MTNR1A: variants seen among roughly 807,000 people sequenced by gnomAD.
The protein encoded by MTNR1A is melatonin receptor type 1A.
MTNR1A carries 7 observed loss-of-function variants against 5.5 expected under a neutral mutation model. That is an observed-to-expected ratio of 1.28 (90% CI 0.73 to 2.40). The LOEUF (loss-of-function observed/expected upper bound fraction) is 2.40, where lower values mean the gene tolerates loss of function less well. Among genes scored for constraint, MTNR1A ranks in the 30% most tolerant of loss-of-function variants. The pLI is 0.00. For synonymous variants in MTNR1A, 196 were observed against 202.7 expected, an observed-to-expected ratio of 0.97 and a Z score of 0.28; for missense variants, 441 against 464.4, an observed-to-expected ratio of 0.95 and a Z score of 0.46.
intron 1 of MTNR1A, among the ~76,000 whole-genome samples, chr4:186,537,640 T>C (rs936940857): frequency 1.3e-5 from 2 of 152,186 alleles, no homozygotes; most frequent in African/African-American, 2.4e-5. Context: ...AAAACAAAAA[T>C]ATAGAGTTAA....
At chr4:186,542,004 C>A (rs1188170065) in intron 1 of MTNR1A, among the ~76,000 whole-genome samples, 1 of 152,206 alleles carries the variant, frequency 6.6e-6, no homozygotes, top group Non-Finnish European at 1.5e-5. Flanking sequence ...ATCAGTTAAT[C>A]TGTCTTTGGC....
intron 1 of MTNR1A, among the ~76,000 whole-genome samples, chr4:186,542,800 C>A (rs1344339030): frequency 6.6e-6 from 1 of 152,140 alleles, no homozygotes; most frequent in African/African-American, 2.4e-5. Context: ...CCAGGAGATA[C>A]CCCTTTGGTT....
intron 1 of MTNR1A, among the ~76,000 whole-genome samples, chr4:186,540,490 T>C (rs6847693): frequency 0.19 from 29,032 of 152,292 alleles, 3,428 homozygotes; most frequent in East Asian, 0.57. Flanking sequence ...AGACCCTTAG[T>C]ACTTTGCAGC....
chr4:186,555,452 C>T lies in MTNR1A; in HGVS notation c.-87G>A, dbSNP rs536341845. On this transcript the variant is annotated 5_prime_UTR_variant, in exon 1 of 2. Coordinates refer to ENST00000307161, the MANE Select transcript of MTNR1A (RefSeq NM_005958.4). This position sits in a 1 kb window ranked among gnomAD's most constrained non-coding sequence, Gnocchi z 4.1. ...TGTTAAGGCTCCGCCCGGCGCTCCCCGCGCCCACGCCCCATCCCGCGCGCT... is the reference window on the plus strand; with the variant it reads ...TGTTAAGGCTCCGCCCGGCGCTCCCTGCGCCCACGCCCCATCCCGCGCGCT... 21 of 1,136,254 alleles carry T rather than the reference C, an allele frequency of 1.8e-5. No homozygotes were observed. The African/African-American group carries it at 2.1e-4, about 12-fold the overall frequency. The allele number at this position is 1,136,254 out of a possible 1,614,324, so 70.4% of individuals were successfully genotyped here.
At chr4:186,547,567 T>C (rs1737181020) in intron 1 of MTNR1A, among the ~76,000 whole-genome samples, 1 of 152,238 alleles carries the variant, frequency 6.6e-6, no homozygotes, top group South Asian at 2.1e-4. Flanking sequence ...ACCTCAGGGC[T>C]CCGTTGCCTC....
intron 1 of MTNR1A, among the ~76,000 whole-genome samples, chr4:186,552,757 A>T (rs774799543): frequency 6.6e-6 from 1 of 152,258 alleles, no homozygotes; most frequent in East Asian, 1.9e-4. Flanking sequence ...AATCAGAAGG[A>T]GCACAGCAAG....
At chr4:186,553,735 C>A (rs1737310134) in intron 1 of MTNR1A, among the ~76,000 whole-genome samples, 2 of 152,222 alleles carry the variant, frequency 1.3e-5, no homozygotes, top group African/African-American at 4.8e-5. Flanking sequence ...TGGTCTCGAA[C>A]TCCTGACCTC....
chr4:186,550,495 G>C (rs374533214), intron 1 of MTNR1A, among the ~76,000 whole-genome samples: 1 of 152,226 alleles, frequency 6.6e-6, no homozygotes, highest in African/African-American at 2.4e-5. Flanking sequence ...TGCTAAGGAA[G>C]AATGGGCAGA....
chr4:186,539,149 G>A (rs142794665), intron 1 of MTNR1A, among the ~76,000 whole-genome samples: 2,253 of 147,592 alleles, frequency 0.015, 32 homozygotes, highest in Non-Finnish European at 0.021. Context: ...CCCAGAAGGC[G>A]AAGGTTGCAG....
At chr4:186,538,193 G>C (rs1736918558) in intron 1 of MTNR1A, among the ~76,000 whole-genome samples, 1 of 152,112 alleles carries the variant, frequency 6.6e-6, no homozygotes, top group Non-Finnish European at 1.5e-5. Context: ...CTATCACCTC[G>C]GTGAGGACAC....
chr4:186,542,444 A>G (rs1737047006), intron 1 of MTNR1A, among the ~76,000 whole-genome samples: 1 of 152,126 alleles, frequency 6.6e-6, no homozygotes, highest in African/African-American at 2.4e-5. Context: ...AAGTATAGCA[A>G]TGGGGCCATG....
At chr4:186,540,090 C>A (rs1210342662) in intron 1 of MTNR1A, among the ~76,000 whole-genome samples, 1 of 152,174 alleles carries the variant, frequency 6.6e-6, no homozygotes, top group African/African-American at 2.4e-5. Flanking sequence ...AAAGAGAGAG[C>A]TTGTGCAGGG....
Position 186,534,405 on chromosome 4 carries a change from C to G in MTNR1A, c.337G>C (p.Gly113Arg). The G allele has an allele frequency of 6.2e-7, 1 of 1,614,064 alleles. No individual in the cohort carries two copies. The highest frequency in any genetic ancestry group is 1.3e-5 in the African/African-American group (1 of 75,006). ...SGFLMGLSVIGSIFNITGIAI... is the reference protein window; with the variant it reads ...SGFLMGLSVIRSIFNITGIAI... ...ATGCCGGTGATGTTGAATATGGAGCCGATGACGCTCAGGCCCATCAGGAAC... is the reference window on the plus strand; with the variant it reads ...ATGCCGGTGATGTTGAATATGGAGCGGATGACGCTCAGGCCCATCAGGAAC... The change falls in exon 2 of 2, where the codon GGC (glycine) becomes CGC (arginine). Residue 113 changes from glycine to arginine, a missense_variant. Gly to Arg is a moderately radical substitution (Grantham distance 125). Transcript: ENST00000307161.
chr4:186,537,976 C>T (rs1736912617), intron 1 of MTNR1A, among the ~76,000 whole-genome samples: 1 of 152,198 alleles, frequency 6.6e-6, no homozygotes, highest in Admixed American at 6.5e-5. Context: ...ATATTTGTTC[C>T]CAGGAATAAA....
chr4:186,541,922 G>A (rs558120391), intron 1 of MTNR1A, among the ~76,000 whole-genome samples: 63 of 152,336 alleles, frequency 4.1e-4, no homozygotes, highest in African/African-American at 1.4e-3. Flanking sequence ...TGGGGAAGAC[G>A]TAGCACACAG....
chr4:186,553,563 G>A (rs1737304991), intron 1 of MTNR1A, among the ~76,000 whole-genome samples: 2 of 152,192 alleles, frequency 1.3e-5, no homozygotes, highest in African/African-American at 4.8e-5. Flanking sequence ...CCAGGCTAGA[G>A]TGCAATGGCA....
intron 1 of MTNR1A, among the ~76,000 whole-genome samples, chr4:186,549,480 CAT>C (rs1737224584): frequency 6.6e-6 from 1 of 152,192 alleles, no homozygotes; most frequent in Admixed American, 6.5e-5. Context: ...TGCTATTTCA[CAT>C]GTGAACTAGT....
chr4:186,554,470 G>T (rs1278309424), intron 1 of MTNR1A, among the ~76,000 whole-genome samples: 1 of 152,144 alleles, frequency 6.6e-6, no homozygotes, highest in Non-Finnish European at 1.5e-5. Flanking sequence ...TAAGAACAAA[G>T]TGTCCACAGG....
At chr4:186,549,829 C>A (rs1737231680) in intron 1 of MTNR1A, among the ~76,000 whole-genome samples, 1 of 152,180 alleles carries the variant, frequency 6.6e-6, no homozygotes, top group African/African-American at 2.4e-5. Context: ...CTGCCTTATA[C>A]TCTAGGAATG....
Sources: gnomAD v4.1 joint callset for allele counts (sites outside exome capture counted in the v4.1 genomes callset) on GRCh38, gnomAD v4.1.1 for gene constraint, Gnocchi (gnomAD v3.1) non-coding constraint, MANE v1.5 for transcripts, NCBI Gene and HGNC (gene_info 2026-07-23, HGNC 2026-07-21) for gene names.